ZNF571: variants seen among roughly 807,000 people sequenced by gnomAD.
ZNF571 encodes zinc finger protein 571.
In ZNF571, 4 loss-of-function variants were observed where a neutral mutation model predicts 7.7. That is an observed-to-expected ratio of 0.52 (90% CI 0.25 to 1.18). The LOEUF (loss-of-function observed/expected upper bound fraction) is 1.18, where lower values mean the gene tolerates loss of function less well. Among genes scored for constraint, ZNF571 ranks in the 50% most tolerant of loss-of-function variants. The pLI, the probability that ZNF571 is intolerant of heterozygous loss-of-function variation, is 0.14. For missense variants in ZNF571, 704 were observed against 726.9 expected (o/e 0.97, Z 0.36); for synonymous variants, 251 against 232.4 (o/e 1.08, Z -0.73).
At chr19:37,574,582 C>T (rs1307319079) in intron 3 of ZNF571, among the ~76,000 whole-genome samples, 1 of 152,134 alleles carries the variant, frequency 6.6e-6, no homozygotes, top group African/African-American at 2.4e-5. Context: ...AATCCTCATA[C>T]ATACACAAAT....
At position 37,564,767 on chromosome 19, in the gene ZNF571, C is replaced by G. The variant is rs138967947; in HGVS notation, c.1661G>C (p.Gly554Ala). ...TTCCTTACATTCATAGGGTTTCTCTCCAGTATGAGTTCTCAGATGTTCAGT... is the reference window on the plus strand; with the variant it reads ...TTCCTTACATTCATAGGGTTTCTCTGCAGTATGAGTTCTCAGATGTTCAGT... ...HLTEHLRTHT[G>A]EKPYECKECG... Residue 554 changes from glycine to alanine, a missense_variant, in exon 4 of 4, where the codon GGA (glycine) becomes GCA (alanine). Physicochemically the swap from Gly to Ala is moderately conservative, Grantham distance 60 (BLOSUM62 0). Coordinates refer to ENST00000451802, the MANE Select transcript of ZNF571 (RefSeq NM_016536.5). 38 of 1,614,000 alleles carry G rather than the reference C, an allele frequency of 2.4e-5. No homozygotes were observed. In the African/African-American group the frequency reaches 3.6e-4, roughly 15 times the overall value.
chr19:37,583,515 A>G (rs117382895), intron 3 of ZNF571: 1,708 of 154,046 alleles, frequency 0.011, 16 homozygotes, highest in Admixed American at 0.017. Flanking sequence ...AGAGAGCTTC[A>G]GGCACACACC....
intron 1 of ZNF571, among the ~76,000 whole-genome samples, chr19:37,592,301 C>T (rs2043891582): frequency 6.6e-6 from 1 of 152,122 alleles, no homozygotes. Flanking sequence ...ACGTTATAAC[C>T]TTTAGGTCAG....
Position 37,593,002 on chromosome 19 carries a change from G to T in ZNF571, c.-70+1739C>A, listed in dbSNP as rs191717764. 2.6e-5 allele frequency among the ~76,000 whole-genome samples: 4 copies of T among 152,228 alleles called. No individual in the cohort carries two copies. The East Asian group carries it at 7.7e-4, about 29-fold the overall frequency. The stretch of plus-strand genomic sequence containing the variant: ...GGATCCAGATTTGAACACACCTATT[G>T]TAAAAATATGTCTTTGAAATAATTG... On this transcript the variant is annotated intron_variant, in intron 1 of 3. Coordinates refer to ENST00000451802, the MANE Select transcript of ZNF571 (RefSeq NM_016536.5).
rs1360832640 is a variant in ZNF571, at chr19:37,568,068, GA to G, written c.137-1778del. On this transcript the variant is annotated intron_variant, in intron 3 of 3. Coordinates refer to ENST00000451802, the MANE Select transcript of ZNF571 (RefSeq NM_016536.5). Reference sequence around the variant, plus strand: ...AATAAAGATCTTATATTATTCCGAAGAAAGAAGTTGAGAAACAAGTGTACTT... The same window carrying G: ...AATAAAGATCTTATATTATTCCGAAGAAGAAGTTGAGAAACAAGTGTACTT... Among the ~76,000 whole-genome samples the G allele has an allele frequency of 5.9e-5, 9 of 152,260 alleles. No homozygotes were observed. The East Asian group carries it at 1.7e-3, about 29-fold the overall frequency.
At chr19:37,580,155 A>G (rs965241253) in intron 3 of ZNF571, among the ~76,000 whole-genome samples, 1 of 152,190 alleles carries the variant, frequency 6.6e-6, no homozygotes, top group Non-Finnish European at 1.5e-5. Context: ...GCAACCCTAC[A>G]TGGAGGTAAT....
intron 3 of ZNF571, among the ~76,000 whole-genome samples, chr19:37,574,357 A>G (rs1192924791): frequency 6.6e-6 from 1 of 152,106 alleles, no homozygotes; most frequent in Non-Finnish European, 1.5e-5. Context: ...CTTTAACTCA[A>G]ATCAACAAAA....
chr19:37,584,478 A>G (rs928387818), intron 2 of ZNF571, among the ~76,000 whole-genome samples: 3 of 152,228 alleles, frequency 2.0e-5, no homozygotes, highest in African/African-American at 7.2e-5. Flanking sequence ...CTGCCTTTAA[A>G]TACTTTTAAA....
At chr19:37,582,658 T>C (rs1158099888) in intron 3 of ZNF571, among the ~76,000 whole-genome samples, 1 of 152,178 alleles carries the variant, frequency 6.6e-6, no homozygotes, top group Non-Finnish European at 1.5e-5. Flanking sequence ...GCATATCAAA[T>C]ACGTAACTCT....
intron 3 of ZNF571, among the ~76,000 whole-genome samples, chr19:37,571,892 T>C (rs2043067304): frequency 6.6e-6 from 1 of 152,258 alleles, no homozygotes; most frequent in African/African-American, 2.4e-5. Context: ...TTGTTACATA[T>C]GAAGGCATGA....
intron 1 of ZNF571, 110 bp from the exon 2 acceptor site, chr19:37,586,855 G>A: frequency 1.5e-6 from 1 of 671,390 alleles, no homozygotes; most frequent in Non-Finnish European, 2.6e-6. Flanking sequence ...AAAAATCTCA[G>A]TTCTTCCACA....
chr19:37,587,616 G>A (rs530838119), intron 1 of ZNF571, among the ~76,000 whole-genome samples: 5 of 148,666 alleles, frequency 3.4e-5, no homozygotes, highest in Admixed American at 2.0e-4. Flanking sequence ...TGGTAGCATT[G>A]ATCTTGCATA....
intron 3 of ZNF571, among the ~76,000 whole-genome samples, chr19:37,581,500 C>G (rs2147191806): frequency 6.8e-6 from 1 of 146,774 alleles, no homozygotes; most frequent in African/African-American, 2.5e-5. Flanking sequence ...TGGTCTTGCT[C>G]TGTCGCCCAG....
At chr19:37,587,833 G>C (rs568457078) in intron 1 of ZNF571, among the ~76,000 whole-genome samples, 2 of 152,014 alleles carry the variant, frequency 1.3e-5, no homozygotes, top group Admixed American at 6.5e-5. Flanking sequence ...AGAATACATG[G>C]GTTGGCTGCA....
chr19:37,581,253 C>T (rs1169590727), intron 3 of ZNF571, among the ~76,000 whole-genome samples: 4 of 152,088 alleles, frequency 2.6e-5, no homozygotes, highest in Admixed American at 2.6e-4. Context: ...TTGCCAAATC[C>T]ATAATAGATT....
chr19:37,571,116 C>T (rs1351167275), intron 3 of ZNF571, among the ~76,000 whole-genome samples: 1 of 152,166 alleles, frequency 6.6e-6, no homozygotes, highest in Non-Finnish European at 1.5e-5. Context: ...CTAATTATAG[C>T]ATTTCTCATC....
intron 3 of ZNF571, chr19:37,583,739 C>A: frequency 2.4e-6 from 1 of 417,904 alleles, no homozygotes; most frequent in Non-Finnish European, 4.3e-6. Flanking sequence ...AGGGGATTCC[C>A]AGATTCAAAT....
chr19:37,592,030 G>A (rs1308794125), intron 1 of ZNF571, among the ~76,000 whole-genome samples: 7 of 152,006 alleles, frequency 4.6e-5, no homozygotes, highest in Admixed American at 4.6e-4. Flanking sequence ...AGCTGAGGTG[G>A]GTGGATTACT....
intron 3 of ZNF571, among the ~76,000 whole-genome samples, chr19:37,568,699 C>T (rs1038147668): frequency 5.9e-5 from 9 of 151,908 alleles, no homozygotes; most frequent in South Asian, 2.1e-4. Flanking sequence ...ATGAGGAGTA[C>T]ATATAAAAAT....
Sources: allele counts gnomAD v4.1 joint callset (sites outside exome capture counted in the v4.1 genomes callset), GRCh38; gene constraint gnomAD v4.1.1; transcripts MANE v1.5; gene names NCBI Gene and HGNC (gene_info 2026-07-23, HGNC 2026-07-21).